ADNP: variants seen among roughly 807,000 people sequenced by gnomAD.
ADNP encodes the protein activity-dependent neuroprotector homeobox protein.
ADNP carries 4 observed loss-of-function variants against 84.9 expected under a neutral mutation model. The observed-to-expected ratio is 0.05, with a 90% CI of 0.02 to 0.11. The LOEUF (loss-of-function observed/expected upper bound fraction) is 0.11, where lower values mean the gene tolerates loss of function less well. Ranked by LOEUF, ADNP falls within the 10% of genes least tolerant of loss-of-function variation. The probability of loss-of-function intolerance (pLI) is 1.00; values close to 1 mark genes in which losing one functional copy is unlikely to be tolerated. For synonymous variants in ADNP, 554 were observed against 468.1 expected (o/e 1.18, Z -2.37); for missense variants, 1,132 against 1,326.0 (o/e 0.85, Z 2.27).
chr20:50,914,909 T>G (rs1983392093), intron 2 of ADNP, among the ~76,000 whole-genome samples: 1 of 152,180 alleles, frequency 6.6e-6, no homozygotes, highest in East Asian at 1.9e-4. Context: ...CGTATTTCAG[T>G]GGACCAAATT....
chr20:50,906,962 AG>A, intron 2 of ADNP, among the ~76,000 whole-genome samples: 1 of 116,956 alleles, frequency 8.6e-6, no homozygotes, highest in African/African-American at 3.3e-5. Context: ...ACAGGGTTCC[AG>A]TTTTTTTTTT....
intron 2 of ADNP, chr20:50,914,365 T>C (rs1468698890): frequency 4.7e-6 from 3 of 635,278 alleles, no homozygotes; most frequent in East Asian, 2.8e-5. Flanking sequence ...AAAGGTGCCC[T>C]GGGTTTAGTA....
At chr20:50,906,601 TA>T (rs1982494718) in intron 2 of ADNP, among the ~76,000 whole-genome samples, 1 of 152,074 alleles carries the variant, frequency 6.6e-6, no homozygotes, top group South Asian at 2.1e-4. Context: ...ATAGAAAACA[TA>T]AAAAAGAATC....
At chr20:50,914,221 A>G in intron 2 of ADNP, 1 of 759,576 alleles carries the variant, frequency 1.3e-6, no homozygotes, top group Non-Finnish European at 2.3e-6. Flanking sequence ...AGCATCCACA[A>G]TCATCCAAGA....
intron 2 of ADNP, among the ~76,000 whole-genome samples, chr20:50,910,340 G>T (rs1329938845): frequency 6.6e-6 from 1 of 152,208 alleles, no homozygotes; most frequent in Non-Finnish European, 1.5e-5. Flanking sequence ...ACGACTGAAA[G>T]TAACTAGGTG....
chr20:50,892,780 T>C lies in ADNP; in HGVS notation c.1934A>G (p.Glu645Gly). 1 of 1,614,250 alleles carries C rather than the reference T, an allele frequency of 6.2e-7. No individual in the cohort carries two copies. The highest frequency in any genetic ancestry group is 8.5e-7 in the Non-Finnish European group (1 of 1,180,046). Reference sequence around the variant, plus strand: ...AACCGTCTGAATAACTTGGTGCCTCTCTCGTAAGTGATGTGCAAGTGCATC... The same window carrying C: ...AACCGTCTGAATAACTTGGTGCCTCCCTCGTAAGTGATGTGCAAGTGCATC... Reference protein sequence around the residue: ...ISDALAHHLRERHQVIQTVHP... With the variant: ...ISDALAHHLRGRHQVIQTVHP... Residue 645 changes from glutamate to glycine, a missense_variant, in exon 6 of 6, where the codon GAG (glutamate) becomes GGG (glycine). Transcript: ENST00000621696.
At chr20:50,894,652 T>A in intron 5 of ADNP, 140 bp from the exon 6 acceptor site, 1 of 922,370 alleles carries the variant, frequency 1.1e-6, no homozygotes, top group Non-Finnish European at 1.6e-6. Context: ...CCCAGCACTT[T>A]GGGAGGCTGA....
chr20:50,897,462 G>T (rs1981529012), intron 5 of ADNP, among the ~76,000 whole-genome samples: 1 of 152,032 alleles, frequency 6.6e-6, no homozygotes, highest in South Asian at 2.1e-4. Context: ...GGTTAAAGTT[G>T]TTTGCCATCT....
chr20:50,904,193 A>ATCCT, intron 3 of ADNP, 192 bp from the exon 4 acceptor site: 2 of 566,510 alleles, frequency 3.5e-6, no homozygotes, highest in Non-Finnish European at 6.3e-6. Flanking sequence ...CCATCCATCC[A>ATCCT]TCCTTCCTTC....
intron 2 of ADNP, among the ~76,000 whole-genome samples, chr20:50,922,791 C>T: frequency 6.6e-6 from 1 of 152,046 alleles, no homozygotes; most frequent in Non-Finnish European, 1.5e-5. Context: ...CCACGATGGC[C>T]AGGCTGGTCT....
At chr20:50,906,309 C>T (rs928213435) in intron 2 of ADNP, among the ~76,000 whole-genome samples, 1 of 152,200 alleles carries the variant, frequency 6.6e-6, no homozygotes, top group African/African-American at 2.4e-5. Flanking sequence ...AAAAGTGTCA[C>T]AGGCTAATTC....
At chr20:50,894,706 C>A (rs569403404) in intron 5 of ADNP, among the ~76,000 whole-genome samples, 194 bp from the exon 6 acceptor site, 1 of 151,944 alleles carries the variant, frequency 6.6e-6, no homozygotes, top group African/African-American at 2.4e-5. Context: ...AGCAGCCTGG[C>A]CAACATGGTG....
chr20:50,928,295 G>C (rs1183608190), intron 2 of ADNP, among the ~76,000 whole-genome samples: 1 of 152,160 alleles, frequency 6.6e-6, no homozygotes, highest in Non-Finnish European at 1.5e-5. Context: ...GCAAGAACAA[G>C]TTCATGGAAA....
chr20:50,908,570 C>G (rs545521699), intron 2 of ADNP, among the ~76,000 whole-genome samples: 6 of 151,824 alleles, frequency 4.0e-5, no homozygotes, highest in Admixed American at 2.0e-4. Flanking sequence ...GTCAGGAGAT[C>G]GAGACCATCC....
intron 1 of ADNP, among the ~76,000 whole-genome samples, chr20:50,929,932 G>A (rs1449519932): frequency 1.3e-5 from 2 of 152,162 alleles, no homozygotes; most frequent in African/African-American, 4.8e-5. Context: ...CTTCGTGTGT[G>A]GGGGGTGTGT....
In ADNP at chr20:50,891,103, G is replaced by A. The variant is rs900864733; in HGVS notation, c.*302C>T. On this transcript the variant is annotated 3_prime_UTR_variant, in exon 6 of 6. Coordinates refer to ENST00000621696, the MANE Select transcript of ADNP (RefSeq NM_001282531.3). ...AAGACATCTGACCAATCATTTCACA[G>A]AGGGAAAGAAATGTTGAAAAGGCAG... 6.9e-6 allele frequency: 8 copies of A among 1,162,878 alleles called. No homozygotes were observed. The highest frequency in any genetic ancestry group is 8.5e-6 in the Non-Finnish European group (8 of 943,742). The allele number at this position is 1,162,878 out of a possible 1,614,324, so 72.0% of individuals were successfully genotyped here. A position where few individuals can be genotyped will look rare whatever the true frequency, so the allele number is the denominator to read the frequency against.
chr20:50,907,204 C>T (rs573714821), intron 2 of ADNP, among the ~76,000 whole-genome samples: 29 of 151,300 alleles, frequency 1.9e-4, no homozygotes, highest in Middle Eastern at 6.8e-3. Flanking sequence ...CCTCGTGATC[C>T]GCCCATCTTG....
intron 5 of ADNP, among the ~76,000 whole-genome samples, chr20:50,895,447 G>C (rs1282655303): frequency 1.3e-5 from 2 of 152,174 alleles, no homozygotes; most frequent in Non-Finnish European, 2.9e-5. Context: ...CATGAACAAA[G>C]CTTACAGGAC....
Position 50,930,537 on chromosome 20 carries a change from G to A in ADNP, c.-265+289C>T, listed in dbSNP as rs903431337. On this transcript the variant is annotated intron_variant, in intron 1 of 5. Coordinates refer to ENST00000621696, the MANE Select transcript of ADNP (RefSeq NM_001282531.3). Reference sequence around the variant, plus strand: ...GCCCTTAGCTGCAAAAGCTCCGGGCGGCCAGGCAGAGTGCTGGCCTCGGTG... The same window carrying A: ...GCCCTTAGCTGCAAAAGCTCCGGGCAGCCAGGCAGAGTGCTGGCCTCGGTG... 3.3e-5 allele frequency among the ~76,000 whole-genome samples: 5 copies of A among 152,206 alleles called. No homozygotes were observed. The East Asian group carries it at 7.8e-4, about 24-fold the overall frequency.
Sources: allele counts gnomAD v4.1 joint callset (sites outside exome capture counted in the v4.1 genomes callset), GRCh38; gene constraint gnomAD v4.1.1; transcripts MANE v1.5; gene names NCBI Gene and HGNC (gene_info 2026-07-23, HGNC 2026-07-21).